The following PCDH11X variants were observed in gnomAD, a reference collection of about 807,000 sequenced individuals.
PCDH11X encodes the protein protocadherin-11 X-linked.
A neutral mutation model predicts 53.3 loss-of-function variants in PCDH11X; 18 were observed. The observed-to-expected ratio is 0.34, with a 90% CI of 0.23 to 0.50. The LOEUF (loss-of-function observed/expected upper bound fraction) is 0.50. Ranked by LOEUF, PCDH11X falls within the 20% of genes least tolerant of loss-of-function variation. The pLI is 0.98. For missense variants in PCDH11X, 570 were observed against 1,032.4 expected, an observed-to-expected ratio of 0.55 and a Z score of 6.14; for synonymous variants, 279 against 393.3, an observed-to-expected ratio of 0.71 and a Z score of 3.44.
chrX:92,131,544 G>A (rs113915579), intron 6 of PCDH11X, among the ~76,000 whole-genome samples: 3,685 of 111,417 alleles, frequency 0.033, 154 homozygotes, highest in African/African-American at 0.11. Context: ...GGGAGGAGGC[G>A]TGGAATTTAT....
At chrX:92,200,114 A>T (rs1603162371) in intron 6 of PCDH11X, among the ~76,000 whole-genome samples, 1 of 110,446 alleles carries the variant, frequency 9.1e-6, no homozygotes, top group Admixed American at 9.7e-5. Context: ...TTTTAAATTA[A>T]TTTTTTTTTC....
intron 8 of PCDH11X, among the ~76,000 whole-genome samples, chrX:92,305,238 T>C (rs925325806): frequency 1.6e-4 from 18 of 110,280 alleles, no homozygotes; most frequent in Non-Finnish European, 2.5e-4. Flanking sequence ...GCCATAACAG[T>C]TATGAGAATT....
intron 5 of PCDH11X, among the ~76,000 whole-genome samples, chrX:91,860,135 A>T (rs1227791774): frequency 9.1e-6 from 1 of 109,551 alleles, no homozygotes; most frequent in Non-Finnish European, 1.9e-5. Context: ...GTCCTCTTTG[A>T]TTTCCTTGAG....
At chrX:92,593,390 T>A (rs780218703) in intron 10 of PCDH11X, among the ~76,000 whole-genome samples, 33 of 111,899 alleles carry the variant, frequency 2.9e-4, no homozygotes, top group Non-Finnish European at 5.3e-4. Context: ...CCAGGTTTTT[T>A]ACCAAAACTA....
chrX:91,807,298 T>A (rs2147553198), intron 1 of PCDH11X, among the ~76,000 whole-genome samples: 1 of 110,685 alleles, frequency 9.0e-6, no homozygotes, highest in East Asian at 2.8e-4. Context: ...TGAGCTATGA[T>A]CGTGCCACTG....
In PCDH11X at chrX:92,389,901, A is replaced by G. The variant is rs190014987; in HGVS notation, c.3343+1968A>G. ...ATTTCTCTCTTCTAATTATATTTACACTATTATCTTGAACATTAAATATCT... is the reference window on the plus strand; with the variant it reads ...ATTTCTCTCTTCTAATTATATTTACGCTATTATCTTGAACATTAAATATCT... On this transcript the variant is annotated intron_variant, in intron 9 of 10. Coordinates refer to ENST00000682573, the MANE Select transcript of PCDH11X (RefSeq NM_032968.5). Among the ~76,000 whole-genome samples the G allele has an allele frequency of 8.3e-3, 900 of 108,950 alleles. 17 individuals are homozygous for G. Among genetic ancestry groups the G allele is most frequent in the African/African-American group, 0.029 (869 of 30,121 alleles). 94.6% of individuals were successfully genotyped at this position (108,950 alleles called of 115,157 possible).
chrX:92,019,300 C>T (rs913763401), intron 6 of PCDH11X, among the ~76,000 whole-genome samples: 5 of 109,317 alleles, frequency 4.6e-5, no homozygotes, highest in Non-Finnish European at 9.5e-5. Flanking sequence ...GTATTACACA[C>T]ATCATTGAGG....
chrX:92,140,234 A>G (rs180702685), intron 6 of PCDH11X, among the ~76,000 whole-genome samples: 117 of 111,398 alleles, frequency 1.1e-3, no homozygotes, highest in African/African-American at 3.6e-3. Context: ...ATACATATGT[A>G]TATATTAAAA....
chrX:92,308,488 C>A (rs1169153653), intron 8 of PCDH11X, among the ~76,000 whole-genome samples: 1 of 110,550 alleles, frequency 9.0e-6, no homozygotes, highest in Non-Finnish European at 1.9e-5. Context: ...ATGCCATATA[C>A]AAAAATTAAT....
intron 7 of PCDH11X, among the ~76,000 whole-genome samples, chrX:92,253,190 G>A (rs1040161825): frequency 9.0e-6 from 1 of 111,526 alleles, no homozygotes; most frequent in South Asian, 3.7e-4. Context: ...ACCATTTATT[G>A]AAGAGACTGT....
chrX:92,322,076 T>C (rs1188686058), intron 8 of PCDH11X, among the ~76,000 whole-genome samples: 1 of 110,006 alleles, frequency 9.1e-6, no homozygotes, highest in South Asian at 4.0e-4. Context: ...TCTGCTGATA[T>C]TCTCTAATGG....
chrX:92,250,595 G>GTATATATATATATATATATA (rs377269087), intron 7 of PCDH11X, among the ~76,000 whole-genome samples: 1 of 99,511 alleles, frequency 1.0e-5, no homozygotes, highest in Non-Finnish European at 2.0e-5. Context: ...ATGTGTGTAT[G>GTATATATATATATATATATA]TATATATATA....
intron 9 of PCDH11X, among the ~76,000 whole-genome samples, chrX:92,403,339 G>GTTTTTTTTTTTTTTTTT (rs1191277649): frequency 6.5e-4 from 32 of 49,350 alleles, no homozygotes; most frequent in African/African-American, 1.7e-3. Flanking sequence ...GTTTTTTTTT[G>GTTTTTTTTTTTTTTTTT]TTTTTTTTTT....
intron 10 of PCDH11X, among the ~76,000 whole-genome samples, chrX:92,520,669 C>T (rs1409730135): frequency 2.7e-5 from 3 of 109,541 alleles, no homozygotes; most frequent in African/African-American, 1.0e-4. Context: ...TTGACTCTTC[C>T]TTTCACAAAA....
At chrX:92,090,915 A>G (rs1050503845) in intron 6 of PCDH11X, among the ~76,000 whole-genome samples, 1 of 112,208 alleles carries the variant, frequency 8.9e-6, no homozygotes, top group African/African-American at 3.2e-5. Flanking sequence ...TGTGTTTCAA[A>G]CAAAACTCTA....
intron 10 of PCDH11X, among the ~76,000 whole-genome samples, chrX:92,557,340 C>T (rs2075061826): frequency 1.8e-5 from 2 of 110,661 alleles, no homozygotes; most frequent in South Asian, 7.7e-4. Context: ...TTATGCTCTG[C>T]TTCCTCTTAA....
At chrX:92,205,071 G>A (rs2148327708) in intron 7 of PCDH11X, among the ~76,000 whole-genome samples, 1 of 111,745 alleles carries the variant, frequency 8.9e-6, no homozygotes, top group Non-Finnish European at 1.9e-5. Flanking sequence ...GTCAAACCAT[G>A]TCAGGCTATT....
At chrX:92,554,555 A>G (rs150987330) in intron 10 of PCDH11X, among the ~76,000 whole-genome samples, 2,272 of 87,218 alleles carry the variant, frequency 0.026, 64 homozygotes, top group African/African-American at 0.079. Context: ...AACCCCTTTG[A>G]TAATCCTCCA....
At position 92,619,979 on chromosome X, in the gene PCDH11X, T is replaced by G. The variant is rs1200317256; in HGVS notation, c.*1039T>G. On this transcript the variant is annotated 3_prime_UTR_variant, in exon 11 of 11. Transcript: ENST00000682573. ...GTGTTCAGTAAAAATAACAAATACA[T>G]GTAACTGTAGATAAAACCATATACT... 9.0e-6 allele frequency: 1 copy of G among 110,926 alleles called. No individual in the cohort carries two copies. The highest frequency in any genetic ancestry group is 1.9e-5 in the Non-Finnish European group (1 of 52,941). The allele number at this position is 110,926 out of a possible 1,213,427, so 9.1% of individuals were successfully genotyped here.
Sources: allele counts gnomAD v4.1 joint callset (sites outside exome capture counted in the v4.1 genomes callset), GRCh38; gene constraint gnomAD v4.1.1; transcripts MANE v1.5; gene names NCBI Gene and HGNC (gene_info 2026-07-23, HGNC 2026-07-21).